Variants in NOS1 observed in about 807,000 individuals in gnomAD.
The protein encoded by NOS1 is nitric oxide synthase 1.
Under a neutral mutation model 164.5 loss-of-function variants are expected in NOS1, and 51 were observed. The observed-to-expected ratio is 0.31, with a 90% CI of 0.25 to 0.39. The LOEUF is 0.39. Among genes scored for constraint, NOS1 ranks in the 10% least tolerant of loss-of-function variants. The pLI is 1.00. For synonymous variants in NOS1, 719 were observed against 745.8 expected, an observed-to-expected ratio of 0.96 and a Z score of 0.59; for missense variants, 1,362 against 1,885.6, an observed-to-expected ratio of 0.72 and a Z score of 5.14.
chr12:117,262,692 G>A (rs1440736619), intron 13 of NOS1, among the ~76,000 whole-genome samples: 1 of 152,116 alleles, frequency 6.6e-6, no homozygotes, highest in Non-Finnish European at 1.5e-5. Context: ...GGGAGCTGAG[G>A]AAACAGAGTA....
intron 3 of NOS1, among the ~76,000 whole-genome samples, chr12:117,308,524 C>T (rs1049324177): frequency 2.7e-5 from 4 of 150,564 alleles, no homozygotes; most frequent in Admixed American, 1.3e-4. Context: ...GAAGACAGAG[C>T]AAGACCTGTC....
chr12:117,311,800 G>A lies in NOS1; in HGVS notation c.726-208C>T, dbSNP rs866251260. On this transcript the variant is annotated intron_variant, in intron 2 of 28. Transcript: ENST00000317775. ...GGCAGCTCTGGGTGTCAATCACAAAGGGAGCTCATCCAAGGTGACCTTGAC... is the reference window on the plus strand; with the variant it reads ...GGCAGCTCTGGGTGTCAATCACAAAAGGAGCTCATCCAAGGTGACCTTGAC... Among the ~76,000 whole-genome samples the A allele has an allele frequency of 9.8e-5, 15 of 152,314 alleles. 1 individual carries two copies. In the South Asian group the frequency reaches 2.9e-3, roughly 29 times the overall value.
chr12:117,342,851 G>A (rs1876178139), intron 1 of NOS1, among the ~76,000 whole-genome samples: 1 of 152,126 alleles, frequency 6.6e-6, no homozygotes, highest in South Asian at 2.1e-4. Context: ...ATCAGGTGGT[G>A]AAAGGGAGGA....
chr12:117,224,551 C>T (rs1592926906), intron 25 of NOS1, among the ~76,000 whole-genome samples: 1 of 152,202 alleles, frequency 6.6e-6, no homozygotes, highest in African/African-American at 2.4e-5. Context: ...TCCCAAAGTG[C>T]TGGGATTACA....
At chr12:117,239,410 C>T (rs1394779725) in intron 20 of NOS1, among the ~76,000 whole-genome samples, 1 of 152,264 alleles carries the variant, frequency 6.6e-6, no homozygotes, top group Non-Finnish European at 1.5e-5. Flanking sequence ...ACACCCCACA[C>T]ATTAGCGATC....
intron 3 of NOS1, among the ~76,000 whole-genome samples, chr12:117,300,024 T>C (rs924836657): frequency 6.6e-6 from 1 of 152,292 alleles, no homozygotes; most frequent in Admixed American, 6.5e-5. Context: ...AAGCCTTAAC[T>C]TGCTAAATGC....
chr12:117,270,235 T>C (rs923875148), intron 10 of NOS1, among the ~76,000 whole-genome samples: 5 of 152,306 alleles, frequency 3.3e-5, no homozygotes, highest in South Asian at 4.1e-4. Flanking sequence ...GGTCTCATTA[T>C]GGGGCTAAAA....
At chr12:117,329,834 G>C (rs968049384) in intron 2 of NOS1, among the ~76,000 whole-genome samples, 1 of 152,138 alleles carries the variant, frequency 6.6e-6, no homozygotes, top group East Asian at 1.9e-4. Context: ...ATCCTGGACT[G>C]GCTGCAATGA....
chr12:117,210,579 C>T lies in NOS1; in HGVS notation c.*4730G>A, dbSNP rs184716708. Reference sequence around the variant, plus strand: ...GCAAGAATGAAAAGGCTGCATTAGGCGCTGGTGCTGTCGGAGTGAAGGGGC... The same window carrying T: ...GCAAGAATGAAAAGGCTGCATTAGGTGCTGGTGCTGTCGGAGTGAAGGGGC... On this transcript the variant is annotated 3_prime_UTR_variant, in exon 29 of 29. Coordinates refer to ENST00000317775, the MANE Select transcript of NOS1 (RefSeq NM_000620.5). 40 of 985,518 alleles carry T rather than the reference C, an allele frequency of 4.1e-5. No homozygotes were observed. The highest frequency in any genetic ancestry group is 3.7e-4 in the Admixed American group (6 of 16,276). 61.0% of individuals were successfully genotyped at this position (985,518 alleles called of 1,614,324 possible).
intron 1 of NOS1, among the ~76,000 whole-genome samples, 170 bp downstream of exon 1, chr12:117,361,342 T>G (rs1469116344): frequency 5.3e-5 from 8 of 150,186 alleles, no homozygotes; most frequent in African/African-American, 2.0e-4. Context: ...CCCTCCGCTT[T>G]GTGCCTCCAA....
intron 7 of NOS1, among the ~76,000 whole-genome samples, chr12:117,283,582 C>A (rs1873861286): frequency 6.6e-6 from 1 of 152,042 alleles, no homozygotes; most frequent in African/African-American, 2.4e-5. Flanking sequence ...AGAGACTAGG[C>A]GTGGTGGCTC....
intron 13 of NOS1, among the ~76,000 whole-genome samples, chr12:117,263,593 TTATTATTATTA>T (rs1872118212): frequency 7.6e-6 from 1 of 132,306 alleles, no homozygotes; most frequent in African/African-American, 2.8e-5. Flanking sequence ...ATTATTATTA[TTATTATTATTA>T]TTATTATTAT....
intron 13 of NOS1, among the ~76,000 whole-genome samples, chr12:117,263,575 CTAT>C (rs71099036): frequency 0.2 from 27,689 of 141,418 alleles, 3,002 homozygotes; most frequent in African/African-American, 0.3. Flanking sequence ...CAAGGTATTA[CTAT>C]TATTATTATT....
intron 5 of NOS1, among the ~76,000 whole-genome samples, chr12:117,287,102 C>G (rs922959242): frequency 7.9e-5 from 12 of 152,066 alleles, no homozygotes; most frequent in Non-Finnish European, 1.8e-4. Context: ...GTAATCCCAG[C>G]TACTCAGGAG....
chr12:117,317,172 C>T (rs567627615), intron 2 of NOS1, among the ~76,000 whole-genome samples: 3 of 152,014 alleles, frequency 2.0e-5, no homozygotes, highest in Non-Finnish European at 2.9e-5. Context: ...TGAGCCACTG[C>T]GCCTGGCCTG....
At chr12:117,308,582 T>C (rs1874272180) in intron 3 of NOS1, among the ~76,000 whole-genome samples, 1 of 151,058 alleles carries the variant, frequency 6.6e-6, no homozygotes, top group South Asian at 2.1e-4. Flanking sequence ...ATAGGCGCAA[T>C]GTGGTCAGAT....
intron 2 of NOS1, among the ~76,000 whole-genome samples, chr12:117,328,487 C>T (rs1200267982): frequency 2.0e-5 from 3 of 152,190 alleles, no homozygotes; most frequent in African/African-American, 4.8e-5. Flanking sequence ...ATGTTGCCTT[C>T]CTAGTGAGAC....
chr12:117,219,997 A>G, intron 27 of NOS1, 78 bp downstream of exon 27: 1 of 1,401,942 alleles, frequency 7.1e-7, no homozygotes, highest in Non-Finnish European at 9.8e-7. Context: ...CCTAATCATC[A>G]AGACAGGTTG....
At position 117,209,234 on chromosome 12, in the gene NOS1, G is replaced by A; in HGVS notation, c.*6075C>T. The stretch of plus-strand genomic sequence containing the variant: ...CAAGAGAGGGGTGTTGCCCCCTGGG[G>A]ACATTGGGCAATGTCTGATGACATA... On this transcript the variant is annotated 3_prime_UTR_variant, in exon 29 of 29. Coordinates refer to ENST00000317775, the MANE Select transcript of NOS1 (RefSeq NM_000620.5). 1 of 983,436 alleles carries A rather than the reference G, an allele frequency of 1.0e-6. No homozygotes were observed. Among genetic ancestry groups the A allele is most frequent in the Non-Finnish European group, 1.2e-6 (1 of 828,112 alleles). 60.9% of individuals were successfully genotyped at this position (983,436 alleles called of 1,614,324 possible).
Sources: allele counts gnomAD v4.1 joint callset (sites outside exome capture counted in the v4.1 genomes callset), GRCh38; gene constraint gnomAD v4.1.1; transcripts MANE v1.5; gene names NCBI Gene and HGNC (gene_info 2026-07-23, HGNC 2026-07-21).